CWC27: variants seen among roughly 807,000 people sequenced by gnomAD.
The protein encoded by CWC27 is CWC27 spliceosome associated cyclophilin.
CWC27 carries 47 observed loss-of-function variants against 63.6 expected under a neutral mutation model. The ratio of observed to expected loss-of-function variants is 0.74; its 90% CI spans 0.58 to 0.94. The LOEUF (loss-of-function observed/expected upper bound fraction) is 0.94, where lower values mean the gene tolerates loss of function less well. CWC27 is among the 40% of genes least tolerant of loss of function. CWC27 has a pLI of 0.00. For missense variants in CWC27, 495 were observed against 554.3 expected, an observed-to-expected ratio of 0.89 and a Z score of 1.07; for synonymous variants, 175 against 179.8, an observed-to-expected ratio of 0.97 and a Z score of 0.22.
At chr5:65,011,546 T>A (rs1390499921) in intron 13 of CWC27, among the ~76,000 whole-genome samples, 2 of 152,078 alleles carry the variant, frequency 1.3e-5, no homozygotes, top group African/African-American at 2.4e-5. Context: ...GGAGCATAGA[T>A]GTGATGGGAG....
At chr5:64,961,618 AT>A (rs1210516736) in intron 11 of CWC27, among the ~76,000 whole-genome samples, 7 of 152,170 alleles carry the variant, frequency 4.6e-5, no homozygotes, top group Non-Finnish European at 7.4e-5. Context: ...AGCCTGTATC[AT>A]ATGTTTTACA....
intron 13 of CWC27, among the ~76,000 whole-genome samples, chr5:64,985,492 T>C (rs1417069295): frequency 2.0e-5 from 3 of 152,224 alleles, no homozygotes; most frequent in African/African-American, 7.2e-5. Flanking sequence ...CACATGTGTT[T>C]TTGGATTTAA....
chr5:64,782,167 G>A, intron 3 of CWC27, 134 bp downstream of exon 3: 3 of 483,418 alleles, frequency 6.2e-6, no homozygotes, highest in Admixed American at 7.4e-5. Flanking sequence ...TAAACATCAG[G>A]CTGGGTGCAG....
chr5:64,886,597 A>G (rs1350330538), intron 11 of CWC27, among the ~76,000 whole-genome samples: 1 of 152,132 alleles, frequency 6.6e-6, no homozygotes, highest in Non-Finnish European at 1.5e-5. Flanking sequence ...GGCCATAGGT[A>G]TTATTATTGT....
intron 7 of CWC27, among the ~76,000 whole-genome samples, chr5:64,789,917 A>G (rs1177421793): frequency 6.7e-6 from 1 of 149,846 alleles, no homozygotes; most frequent in Non-Finnish European, 1.5e-5. Context: ...ACCAACTCTA[A>G]CAATAACATT....
In CWC27 at chr5:64,858,463, AAAT is replaced by A. The variant is rs199882585; in HGVS notation, c.939-26948_939-26946del. On this transcript the variant is annotated intron_variant, in intron 10 of 13. Transcript: ENST00000381070. ...GGTGACAGAGTGAGACTCCATCTCAAAATAATAATAATAATAATAATAATAATA... is the reference window on the plus strand; with the variant it reads ...GGTGACAGAGTGAGACTCCATCTCAAAATAATAATAATAATAATAATAATA... 4.6e-3 allele frequency among the ~76,000 whole-genome samples: 678 copies of A among 146,588 alleles called. 3 individuals carry two copies. The highest frequency in any genetic ancestry group is 0.015 in the African/African-American group (589 of 39,774).
chr5:64,878,469 T>TAAAAAAAAAAAAAAAAAAA (rs1746849585), intron 10 of CWC27, among the ~76,000 whole-genome samples: 1 of 27,080 alleles, frequency 3.7e-5, no homozygotes, highest in Non-Finnish European at 5.9e-5. Context: ...GGGTTACAGA[T>TAAAAAAAAAAAAAAAAAAA]TAAAAAAAAA....
At chr5:65,005,998 G>A (rs149795276) in intron 13 of CWC27, among the ~76,000 whole-genome samples, 2 of 152,248 alleles carry the variant, frequency 1.3e-5, no homozygotes, top group African/African-American at 4.8e-5. Context: ...TTTAGTGTTA[G>A]TAATGTCATC....
chr5:64,827,546 C>T (rs555025365), intron 10 of CWC27, among the ~76,000 whole-genome samples: 1 of 152,276 alleles, frequency 6.6e-6, no homozygotes, highest in Admixed American at 6.5e-5. Flanking sequence ...CACTTTTTAA[C>T]TTAGTATCTT....
chr5:64,829,474 C>G (rs1745455278), intron 10 of CWC27, among the ~76,000 whole-genome samples: 1 of 151,924 alleles, frequency 6.6e-6, no homozygotes, highest in Non-Finnish European at 1.5e-5. Flanking sequence ...AAATATGTAA[C>G]TTACATTTGT....
intron 11 of CWC27, among the ~76,000 whole-genome samples, chr5:64,906,110 T>C (rs1163519271): frequency 6.6e-6 from 1 of 152,188 alleles, no homozygotes; most frequent in Non-Finnish European, 1.5e-5. Context: ...TCGAAGTCTT[T>C]GTTATTATGA....
intron 11 of CWC27, among the ~76,000 whole-genome samples, chr5:64,892,915 G>A (rs1171653732): frequency 1.3e-5 from 2 of 151,968 alleles, no homozygotes; most frequent in Non-Finnish European, 2.9e-5. Flanking sequence ...TCATGTTGTA[G>A]TCTGTTACCT....
intron 10 of CWC27, among the ~76,000 whole-genome samples, chr5:64,831,016 CTATTA>C (rs944312241): frequency 2.0e-5 from 3 of 151,896 alleles, no homozygotes; most frequent in Admixed American, 6.6e-5. Context: ...AATATGTTGT[CTATTA>C]TATTATGTTA....
chr5:64,780,559 CAAT>C (rs1050111484), intron 2 of CWC27, among the ~76,000 whole-genome samples: 70 of 147,718 alleles, frequency 4.7e-4, no homozygotes, highest in African/African-American at 1.7e-3. Context: ...ATATATCAAA[CAAT>C]ATATATCAAA....
At chr5:64,872,782 A>G (rs1746705172) in intron 10 of CWC27, among the ~76,000 whole-genome samples, 1 of 152,182 alleles carries the variant, frequency 6.6e-6, no homozygotes, top group Admixed American at 6.6e-5. Context: ...ACATCATTCT[A>G]TCTGATGCTC....
intron 11 of CWC27, among the ~76,000 whole-genome samples, chr5:64,913,079 G>A (rs1341873763): frequency 2.0e-5 from 3 of 152,056 alleles, no homozygotes; most frequent in South Asian, 4.1e-4. Context: ...TTTATTCTAG[G>A]AATGCAGTTT....
intron 2 of CWC27, among the ~76,000 whole-genome samples, 177 bp from the exon 3 acceptor site, chr5:64,781,744 A>G (rs1406166792): frequency 1.3e-5 from 2 of 152,236 alleles, no homozygotes; most frequent in Non-Finnish European, 2.9e-5. Context: ...TTCTGTAGAA[A>G]TGTGTGCTGT....
At chr5:64,994,402 A>G (rs893434374) in intron 13 of CWC27, among the ~76,000 whole-genome samples, 1 of 152,222 alleles carries the variant, frequency 6.6e-6, no homozygotes, top group Non-Finnish European at 1.5e-5. Context: ...TTTTAATTAT[A>G]AGCCTTTCAT....
At chr5:64,893,892 A>G (rs916984775) in intron 11 of CWC27, among the ~76,000 whole-genome samples, 1 of 150,910 alleles carries the variant, frequency 6.6e-6, no homozygotes, top group Non-Finnish European at 1.5e-5. Flanking sequence ...CTGTGCAATA[A>G]TCACAGTCCT....
Sources: allele counts gnomAD v4.1 joint callset (sites outside exome capture counted in the v4.1 genomes callset), GRCh38; gene constraint gnomAD v4.1.1; transcripts MANE v1.5; gene names NCBI Gene and HGNC (gene_info 2026-07-23, HGNC 2026-07-21).